Variants in RAB35 observed in about 807,000 individuals in gnomAD.
RAB35 encodes the protein RAB35, member RAS oncogene family, also known as ras-related protein Rab-35.
In RAB35, 4 loss-of-function variants were observed where a neutral mutation model predicts 28.9. The ratio of observed to expected loss-of-function variants is 0.14; its 90% confidence interval spans 0.07 to 0.32. RAB35 has a LOEUF of 0.32. Ranked by LOEUF, RAB35 falls within the 10% of genes least tolerant of loss-of-function variation. The pLI is 1.00. For missense variants in RAB35, 128 were observed against 274.0 expected, an observed-to-expected ratio of 0.47 and a Z score of 3.76; for synonymous variants, 99 against 105.1, an observed-to-expected ratio of 0.94 and a Z score of 0.35.
At position 120,097,157 on chromosome 12, in the gene RAB35, G is replaced by C. The variant is rs767146675; in HGVS notation, c.*88C>G. ...GAGAGAATTCTTTAAATAACGGCACGAAACTGAGACTGTCCCCCGAGGAAC... is the reference window on the plus strand; with the variant it reads ...GAGAGAATTCTTTAAATAACGGCACCAAACTGAGACTGTCCCCCGAGGAAC... On this transcript the variant is annotated 3_prime_UTR_variant, in exon 6 of 6. Coordinates refer to ENST00000229340, the MANE Select transcript of RAB35 (RefSeq NM_006861.7). The C allele has an allele frequency of 6.2e-7, 1 of 1,612,066 alleles. No individual in the cohort carries two copies. The highest frequency in any genetic ancestry group is 1.3e-5 in the African/African-American group (1 of 74,854).
intron 2 of RAB35, among the ~76,000 whole-genome samples, chr12:120,106,600 T>C (rs975846382): frequency 4.7e-5 from 7 of 149,592 alleles, no homozygotes; most frequent in Non-Finnish European, 1.0e-4. Context: ...TCTTTTTTTT[T>C]TTTTTTTTTT....
intron 3 of RAB35, among the ~76,000 whole-genome samples, chr12:120,101,955 C>T (rs867569276): frequency 1.1e-4 from 16 of 152,154 alleles, no homozygotes; most frequent in Non-Finnish European, 1.8e-4. Flanking sequence ...GAAAGAGCCT[C>T]GGACCCCCCA....
rs1206732303 is a variant in RAB35, at chr12:120,096,320, C to T, written c.*925G>A. 3.5e-6 allele frequency: 3 copies of T among 863,786 alleles called. No individual in the cohort carries two copies. In the African/African-American group the frequency reaches 5.3e-5, roughly 15 times the overall value. 53.5% of individuals were successfully genotyped at this position (863,786 alleles called of 1,614,324 possible). On this transcript the variant is annotated 3_prime_UTR_variant, in exon 6 of 6. Transcript: ENST00000229340. Reference sequence around the variant, plus strand: ...AAAACAGTGGACACAAGTGGGGTGGCCTCAACTTTTGCTGCTGTGCCAATC... The same window carrying T: ...AAAACAGTGGACACAAGTGGGGTGGTCTCAACTTTTGCTGCTGTGCCAATC...
At chr12:120,105,253 T>A (rs1262356307) in intron 2 of RAB35, among the ~76,000 whole-genome samples, 1 of 152,142 alleles carries the variant, frequency 6.6e-6, no homozygotes, top group Non-Finnish European at 1.5e-5. Context: ...TAGCTGAGGA[T>A]GATACGCAAC....
Position 120,096,293 on chromosome 12 carries a change from TAAAAACA to T in RAB35, c.*945_*951del. 1.5e-6 allele frequency: 1 copy of T among 652,792 alleles called. No homozygotes were observed. Among genetic ancestry groups the T allele is most frequent in the Non-Finnish European group, 2.2e-6 (1 of 450,430 alleles). 40.4% of individuals were successfully genotyped at this position (652,792 alleles called of 1,614,324 possible). ...TGGCAGGAAGCCATTCATTTTTTTC[TAAAAACA>T]GTGGACACAAGTGGGGTGGCCTCAA... is the stretch of plus-strand genomic sequence containing the variant. On this transcript the variant is annotated 3_prime_UTR_variant, in exon 6 of 6. Transcript: ENST00000229340.
chr12:120,104,664 G>GGA (rs1875801088), intron 2 of RAB35, among the ~76,000 whole-genome samples: 1 of 152,052 alleles, frequency 6.6e-6, no homozygotes, highest in African/African-American at 2.4e-5. Context: ...GTGGGGGGGG[G>GGA]ACAGCGTCTC....
intron 1 of RAB35, chr12:120,108,678 T>G: frequency 1.5e-6 from 1 of 680,342 alleles, no homozygotes; most frequent in Non-Finnish European, 2.7e-6. Flanking sequence ...TTCGTCCTTG[T>G]GTAAGACAAG....
chr12:120,097,923 G>A (rs905274525), intron 5 of RAB35, among the ~76,000 whole-genome samples: 7 of 136,138 alleles, frequency 5.1e-5, no homozygotes, highest in African/African-American at 8.4e-5. Flanking sequence ...TCGCTCTGTC[G>A]CCCAGGCTGG....
chr12:120,108,177 G>A (rs1261599469), intron 2 of RAB35, among the ~76,000 whole-genome samples: 2 of 152,134 alleles, frequency 1.3e-5, no homozygotes, highest in Non-Finnish European at 2.9e-5. Context: ...TGGACCATGG[G>A]TGGGAAAATG....
At chr12:120,098,974 G>A (rs369049181) in intron 4 of RAB35, 39 bp from the exon 5 acceptor site, 185 of 1,613,816 alleles carry the variant, frequency 1.1e-4, no homozygotes, top group Middle Eastern at 1.6e-4. Flanking sequence ...CCTGAGGGGC[G>A]CAGCCGGCTG....
intron 2 of RAB35, among the ~76,000 whole-genome samples, chr12:120,106,772 A>G (rs1875897998): frequency 2.0e-5 from 3 of 151,956 alleles, no homozygotes; most frequent in Admixed American, 2.0e-4. Flanking sequence ...TATTTTTAGT[A>G]GAGACAGAGT....
At chr12:120,109,595 C>T (rs886574230) in intron 1 of RAB35, among the ~76,000 whole-genome samples, 2 of 152,038 alleles carry the variant, frequency 1.3e-5, no homozygotes, top group Admixed American at 6.6e-5. Context: ...CATGTGCATA[C>T]CATCATGCCC....
At chr12:120,106,006 A>G (rs1875857209) in intron 2 of RAB35, among the ~76,000 whole-genome samples, 1 of 151,672 alleles carries the variant, frequency 6.6e-6, no homozygotes, top group Non-Finnish European at 1.5e-5. Flanking sequence ...TGTGCAGGTG[A>G]GAGGGGCCAC....
chr12:120,095,910 G>GC lies in RAB35; in HGVS notation c.*1334_*1335insG, dbSNP rs1875365579. On this transcript the variant is annotated 3_prime_UTR_variant, in exon 6 of 6. Transcript: ENST00000229340. ...TGGTGTTAAACTCGGTTCTTCCCAG[G>GC]TCACTTGATCCCTGTAGTGGGAGGG... 1 of 153,340 alleles carries GC rather than the reference G, an allele frequency of 6.5e-6. No individual in the cohort carries two copies. Among genetic ancestry groups the GC allele is most frequent in the Admixed American group, 6.4e-5 (1 of 15,598 alleles). The allele number at this position is 153,340 out of a possible 1,614,324, so 9.5% of individuals were successfully genotyped here.
In RAB35 at chr12:120,116,581, G is replaced by C; in HGVS notation, c.52+18C>G. 1 of 1,170,990 alleles carries C rather than the reference G, an allele frequency of 8.5e-7. No homozygotes were observed. Among genetic ancestry groups the C allele is most frequent in the Non-Finnish European group, 1.1e-6 (1 of 948,914 alleles). 72.5% of individuals were successfully genotyped at this position (1,170,990 alleles called of 1,614,324 possible). On this transcript the variant is annotated intron_variant, in intron 1 of 5. Transcript: ENST00000229340. ...GCCCGGCAGGGCCCGCGCCGCCTCC[G>C]GCCGCTGCGGCCCTCACCGCTGTCG...
intron 2 of RAB35, 22 bp downstream of exon 2, chr12:120,108,395 A>G (rs1433788863): frequency 6.2e-7 from 1 of 1,606,864 alleles, no homozygotes; most frequent in African/African-American, 1.3e-5. Flanking sequence ...ACACCCCAGC[A>G]GCACTGCAGG....
chr12:120,102,490 C>T (rs549326174), intron 3 of RAB35, among the ~76,000 whole-genome samples: 68 of 152,326 alleles, frequency 4.5e-4, no homozygotes, highest in Non-Finnish European at 8.2e-4. Flanking sequence ...CACACCAGGG[C>T]GACCCCGGGA....
chr12:120,099,601 G>A (rs1312623066), intron 3 of RAB35: 1 of 189,764 alleles, frequency 5.3e-6, no homozygotes, highest in African/African-American at 2.3e-5. Context: ...ACACCATCAT[G>A]ACGCCCTGGC....
At chr12:120,110,972 G>A (rs1176924741) in intron 1 of RAB35, among the ~76,000 whole-genome samples, 8 of 152,144 alleles carry the variant, frequency 5.3e-5, no homozygotes, top group Non-Finnish European at 7.4e-5. Context: ...TGGCCTCGCC[G>A]CCTCCTCTGC....
Sources: allele counts gnomAD v4.1 joint callset (sites outside exome capture counted in the v4.1 genomes callset), GRCh38; gene constraint gnomAD v4.1.1; transcripts MANE v1.5; gene names NCBI Gene and HGNC (gene_info 2026-07-23, HGNC 2026-07-21).